The following PCMTD1 variants were observed in gnomAD, a reference collection of about 807,000 sequenced individuals.
PCMTD1 encodes protein-L-isoaspartate (D-aspartate) O-methyltransferase domain containing 1, also known as protein-L-isoaspartate O-methyltransferase domain-containing protein 1.
In PCMTD1, 12 loss-of-function variants were observed where a neutral mutation model predicts 37.6. The ratio of observed to expected loss-of-function variants is 0.32; its 90% CI spans 0.20 to 0.52. The LOEUF (loss-of-function observed/expected upper bound fraction) is 0.52. PCMTD1 is among the 20% of genes least tolerant of loss of function. The probability of loss-of-function intolerance (pLI) is 0.97; values close to 1 mark genes in which losing one functional copy is unlikely to be tolerated. For missense variants in PCMTD1, 235 were observed against 421.3 expected, an observed-to-expected ratio of 0.56 and a Z score of 3.87; for synonymous variants, 117 against 135.8, an observed-to-expected ratio of 0.86 and a Z score of 0.96.
chr8:51,838,351 C>T (rs12681867), intron 3 of PCMTD1, among the ~76,000 whole-genome samples: 108,001 of 151,464 alleles, frequency 0.71, 43,386 homozygotes, highest in Non-Finnish European at 0.9. Flanking sequence ...CAGTTAGGCA[C>T]GGTAGCACGC....
At chr8:51,831,662 A>G (rs1172164387) in intron 4 of PCMTD1, 95 bp from the exon 5 acceptor site, 2 of 1,235,576 alleles carry the variant, frequency 1.6e-6, no homozygotes, top group East Asian at 4.9e-5. Context: ...AACAACTGCC[A>G]GTTAGAGCTA....
intron 1 of PCMTD1, among the ~76,000 whole-genome samples, chr8:51,863,411 A>C (rs899384326): frequency 2.6e-5 from 4 of 152,246 alleles, no homozygotes; most frequent in African/African-American, 9.6e-5. Flanking sequence ...AAAGGCAAGA[A>C]GAAGAATGAA....
intron 2 of PCMTD1, among the ~76,000 whole-genome samples, chr8:51,851,242 A>G (rs950024853): frequency 2.0e-5 from 3 of 152,144 alleles, no homozygotes; most frequent in African/African-American, 7.2e-5. Flanking sequence ...AAGTCCTGGA[A>G]TTTGCCAGAA....
At chr8:51,825,123 C>A (rs1349274509) in intron 5 of PCMTD1, among the ~76,000 whole-genome samples, 1 of 152,178 alleles carries the variant, frequency 6.6e-6, no homozygotes, top group African/African-American at 2.4e-5. Flanking sequence ...CCATTCAGGA[C>A]ACAGGCATGG....
At chr8:51,842,274 T>TAAAA (rs1403621048) in intron 3 of PCMTD1, among the ~76,000 whole-genome samples, 1 of 152,168 alleles carries the variant, frequency 6.6e-6, no homozygotes, top group African/African-American at 2.4e-5. Context: ...TACTTTTTTT[T>TAAAA]AAAGAAAGAA....
chr8:51,861,350 G>T, intron 1 of PCMTD1, 104 bp from the exon 2 acceptor site: 1 of 817,462 alleles, frequency 1.2e-6, no homozygotes, highest in Non-Finnish European at 1.8e-6. Context: ...ATTTCTCATG[G>T]AAATATTCTG....
intron 1 of PCMTD1, among the ~76,000 whole-genome samples, chr8:51,880,110 G>T (rs2038771219): frequency 1.3e-5 from 2 of 152,038 alleles, no homozygotes; most frequent in African/African-American, 2.4e-5. Flanking sequence ...TGAGGCAGGG[G>T]GATCCCTTGG....
At chr8:51,864,697 A>T (rs1025835359) in intron 1 of PCMTD1, among the ~76,000 whole-genome samples, 2 of 152,174 alleles carry the variant, frequency 1.3e-5, no homozygotes, top group African/African-American at 4.8e-5. Context: ...ACCATAACTT[A>T]TGAGATGCAT....
intron 5 of PCMTD1, among the ~76,000 whole-genome samples, chr8:51,826,724 T>C (rs1189404400): frequency 6.6e-6 from 1 of 152,154 alleles, no homozygotes; most frequent in Non-Finnish European, 1.5e-5. Context: ...GGGGGTCTTT[T>C]ATGACCTTCA....
chr8:51,830,939 T>A (rs184336082), intron 5 of PCMTD1, among the ~76,000 whole-genome samples: 1 of 152,088 alleles, frequency 6.6e-6, no homozygotes, highest in Non-Finnish European at 1.5e-5. Context: ...CCCCTTCTTC[T>A]TATGTTTCCA....
Position 51,845,690 on chromosome 8 carries a change from G to T in PCMTD1, c.381C>A (p.Ser127Arg). Residue 127 changes from serine (S) to arginine (R), a missense_variant, in exon 3 of 6, where the codon AGC (serine) becomes AGA (arginine). Physicochemically the swap from Ser to Arg is moderately radical, Grantham distance 110. Transcript: ENST00000522514. ...CAAAGCTATCACTATTTTTGATGAA[G>T]CTCTCCAGTTTTTCCTTGGCATATT... Reference protein sequence around the residue: ...VVEYAKEKLESFIKNSDSFDK... With the variant: ...VVEYAKEKLERFIKNSDSFDK... The T allele has an allele frequency of 6.2e-7, 1 of 1,612,624 alleles. No homozygotes were observed.
At chr8:51,887,590 C>G (rs1481696710) in intron 1 of PCMTD1, among the ~76,000 whole-genome samples, 2 of 151,272 alleles carry the variant, frequency 1.3e-5, no homozygotes, top group Non-Finnish European at 2.9e-5. Flanking sequence ...TAAGTAGCAA[C>G]TAGAAACTGC....
At chr8:51,867,236 T>C (rs966558221) in intron 1 of PCMTD1, among the ~76,000 whole-genome samples, 4 of 152,030 alleles carry the variant, frequency 2.6e-5, no homozygotes, top group African/African-American at 7.2e-5. Flanking sequence ...TTGTGAACTG[T>C]TGGTGGAAAT....
intron 2 of PCMTD1, among the ~76,000 whole-genome samples, chr8:51,858,090 G>A (rs1024373224): frequency 2.6e-5 from 4 of 152,146 alleles, no homozygotes; most frequent in African/African-American, 7.2e-5. Context: ...GGAGTGAAGT[G>A]GAAATTCCCC....
At chr8:51,852,846 A>G (rs949027411) in intron 2 of PCMTD1, among the ~76,000 whole-genome samples, 1 of 152,240 alleles carries the variant, frequency 6.6e-6, no homozygotes, top group African/African-American at 2.4e-5. Flanking sequence ...AGGAGAAAGA[A>G]GAGAATTTGT....
intron 3 of PCMTD1, among the ~76,000 whole-genome samples, chr8:51,837,911 C>T (rs1266779396): frequency 6.6e-6 from 1 of 152,056 alleles, no homozygotes; most frequent in Non-Finnish European, 1.5e-5. Flanking sequence ...TCCCGAGTAG[C>T]TGGGACTACA....
At chr8:51,831,027 G>A (rs891135474) in intron 5 of PCMTD1, among the ~76,000 whole-genome samples, 12 of 152,204 alleles carry the variant, frequency 7.9e-5, no homozygotes, top group Middle Eastern at 3.4e-3. Context: ...CCCAGTGCGG[G>A]TGGCTCACGC....
At chr8:51,828,328 G>T (rs2037950336) in intron 5 of PCMTD1, among the ~76,000 whole-genome samples, 1 of 152,120 alleles carries the variant, frequency 6.6e-6, no homozygotes. Flanking sequence ...TGAAAACTAG[G>T]AAGGAGAAAA....
In PCMTD1 at chr8:51,846,782, G is replaced by C. The variant is rs761142082; in HGVS notation, c.308-1019C>G. On this transcript the variant is annotated intron_variant, in intron 2 of 5. Coordinates refer to ENST00000522514, the MANE Select transcript of PCMTD1 (RefSeq NM_052937.4). ...ATTGTCATGTTTGAATGTTGAAACA[G>C]TACATGTAAAATATGGTTTGCCATC... Among the ~76,000 whole-genome samples the C allele has an allele frequency of 5.9e-5, 9 of 152,242 alleles. No homozygotes were observed. The East Asian group carries it at 1.2e-3, about 20-fold the overall frequency.
Sources: allele counts gnomAD v4.1 joint callset (sites outside exome capture counted in the v4.1 genomes callset), GRCh38; gene constraint gnomAD v4.1.1; transcripts MANE v1.5; gene names NCBI Gene and HGNC (gene_info 2026-07-23, HGNC 2026-07-21).